RYR3: variants seen among roughly 807,000 people sequenced by gnomAD.
RYR3 encodes the protein ryanodine receptor 3.
A neutral mutation model predicts 584.3 loss-of-function variants in RYR3; 207 were observed. That is an observed-to-expected ratio of 0.35 (90% CI 0.32 to 0.40). The LOEUF (loss-of-function observed/expected upper bound fraction) is 0.40, where lower values mean the gene tolerates loss of function less well. RYR3 is among the 10% of genes least tolerant of loss of function. The pLI, the probability that RYR3 is intolerant of heterozygous loss-of-function variation, is 1.00. For synonymous variants in RYR3, 2,416 were observed against 2,248.5 expected (o/e 1.07, Z -2.11); for missense variants, 5,616 against 6,089.2 (o/e 0.92, Z 2.59).
At chr15:33,735,283 T>A (rs1178331118) in intron 48 of RYR3, among the ~76,000 whole-genome samples, 2 of 152,232 alleles carry the variant, frequency 1.3e-5, no homozygotes, top group Non-Finnish European at 2.9e-5. Context: ...CAAGGCTACT[T>A]ACTTGCTGTG....
At chr15:33,355,953 C>A (rs1405536558) in intron 1 of RYR3, among the ~76,000 whole-genome samples, 3 of 152,154 alleles carry the variant, frequency 2.0e-5, no homozygotes, top group African/African-American at 7.2e-5. Flanking sequence ...TCATATAGAA[C>A]CCTGTAGTAG....
chr15:33,471,251 A>C (rs1199362375), intron 1 of RYR3, among the ~76,000 whole-genome samples: 1 of 152,166 alleles, frequency 6.6e-6, no homozygotes, highest in Non-Finnish European at 1.5e-5. Context: ...AAAGAGTAGA[A>C]ATCGTTTGGA....
At chr15:33,560,652 A>G (rs1416714124) in intron 10 of RYR3, among the ~76,000 whole-genome samples, 1 of 152,194 alleles carries the variant, frequency 6.6e-6, no homozygotes, top group Admixed American at 6.5e-5. Context: ...ATTAGAGATG[A>G]GAATTTTCGC....
chr15:33,482,707 C>G (rs961680134), intron 2 of RYR3, among the ~76,000 whole-genome samples: 1 of 152,230 alleles, frequency 6.6e-6, no homozygotes, highest in African/African-American at 2.4e-5. Context: ...GCGTGAGTCA[C>G]TGTGCCCAGT....
At chr15:33,789,646 ATATATATATATATTTTTTTTTTTTTTT>A (rs2074994680) in intron 67 of RYR3, among the ~76,000 whole-genome samples, 2 of 23,178 alleles carry the variant, frequency 8.6e-5, no homozygotes, top group East Asian at 1.3e-3. Context: ...ATATATATAT[ATATATATATATATTTTTTTTTTTTTTT>A]TTTTTTTTTT....
chr15:33,497,883 C>T (rs149995930), intron 2 of RYR3, among the ~76,000 whole-genome samples: 156 of 152,278 alleles, frequency 1.0e-3, no homozygotes, highest in African/African-American at 3.6e-3. Context: ...CCTTCCCAGC[C>T]TCTAGTAACC....
chr15:33,576,815 G>T (rs2058323983), intron 12 of RYR3, among the ~76,000 whole-genome samples: 1 of 152,162 alleles, frequency 6.6e-6, no homozygotes, highest in Non-Finnish European at 1.5e-5. Context: ...CAGGAAGAGA[G>T]GAAGTCAAAC....
Position 33,560,890 on chromosome 15 carries a change from G to T in RYR3, c.973-1947G>T, listed in dbSNP as rs183267196. ...AAAAGAAAAATTCATACTTATCCTT[G>T]GATGTTATGTTGCTGCTTGAAAAAA... On this transcript the variant is annotated intron_variant, in intron 10 of 103. Transcript: ENST00000634891. 1.2e-3 allele frequency among the ~76,000 whole-genome samples: 184 copies of T among 151,056 alleles called. 1 individual carries two copies. The highest frequency in any genetic ancestry group is 4.1e-3 in the African/African-American group (169 of 41,134).
chr15:33,582,908 G>A (rs2058665844), intron 14 of RYR3, among the ~76,000 whole-genome samples: 1 of 152,194 alleles, frequency 6.6e-6, no homozygotes, highest in Non-Finnish European at 1.5e-5. Context: ...ATCATGTGAA[G>A]GGCAAGCTAC....
chr15:33,436,957 A>G (rs926498651), intron 1 of RYR3, among the ~76,000 whole-genome samples: 30 of 152,130 alleles, frequency 2.0e-4, no homozygotes, highest in African/African-American at 7.2e-4. Flanking sequence ...TATCTAATCC[A>G]CTGGAATTGG....
In RYR3 at chr15:33,435,713, C is replaced by T. The variant is rs1248692372; in HGVS notation, c.52-37706C>T. 3.3e-5 allele frequency among the ~76,000 whole-genome samples: 5 copies of T among 152,184 alleles called. No individual in the cohort carries two copies. In the South Asian group the frequency reaches 6.2e-4, roughly 19 times the overall value. ...CATGTCCGGAGTTGATTGTTCCTCCCGGTAGGTTCCTGGTCTCACTGACTT... is the reference window on the plus strand; with the variant it reads ...CATGTCCGGAGTTGATTGTTCCTCCTGGTAGGTTCCTGGTCTCACTGACTT... On this transcript the variant is annotated intron_variant, in intron 1 of 103. Coordinates refer to ENST00000634891, the MANE Select transcript of RYR3 (RefSeq NM_001036.6).
In RYR3 at chr15:33,854,087, T is replaced by C. The variant is rs544891829; in HGVS notation, c.13800-302T>C. Among the ~76,000 whole-genome samples the C allele has an allele frequency of 1.3e-4, 19 of 151,924 alleles. 1 individual carries two copies. The South Asian group carries it at 3.6e-3, about 28-fold the overall frequency. ...GGTGGGCACCTGTAGTCCCAGCTGC[T>C]TGGGAGGCTGAGGCAGGAGAACCGC... On this transcript the variant is annotated intron_variant, in intron 96 of 103. Coordinates refer to ENST00000634891, the MANE Select transcript of RYR3 (RefSeq NM_001036.6).
chr15:33,707,712 T>C (rs1014476547), intron 43 of RYR3, among the ~76,000 whole-genome samples: 2 of 152,216 alleles, frequency 1.3e-5, no homozygotes, highest in Non-Finnish European at 2.9e-5. Flanking sequence ...ATTATAGTTA[T>C]AGTCCCTCTC....
chr15:33,765,662 AGTCT>A (rs2072986863), intron 60 of RYR3, among the ~76,000 whole-genome samples: 1 of 149,328 alleles, frequency 6.7e-6, no homozygotes, highest in Admixed American at 6.7e-5. Context: ...AAAAGAAAAT[AGTCT>A]AAATAGTCTA....
rs550309564 is a variant in RYR3, at chr15:33,779,371, C to G, written c.9138-840C>G. Among the ~76,000 whole-genome samples, 11 of 152,176 alleles carry G rather than the reference C, an allele frequency of 7.2e-5. No individual in the cohort carries two copies. The South Asian group carries it at 2.3e-3, about 32-fold the overall frequency. Reference sequence around the variant, plus strand: ...CAGACCTTAAGATATGGTGGACAGTCAACTATTTGTACAAAAGAGGGAAAG... The same window carrying G: ...CAGACCTTAAGATATGGTGGACAGTGAACTATTTGTACAAAAGAGGGAAAG... On this transcript the variant is annotated intron_variant, in intron 64 of 103. Transcript: ENST00000634891.
intron 1 of RYR3, among the ~76,000 whole-genome samples, chr15:33,352,400 G>A (rs372023993): frequency 8.0e-4 from 121 of 152,138 alleles, no homozygotes; most frequent in Middle Eastern, 3.4e-3. Flanking sequence ...TGCTAGGTGA[G>A]ATCAATTATT....
chr15:33,575,299 C>T (rs1387826667), intron 12 of RYR3, among the ~76,000 whole-genome samples: 1 of 152,182 alleles, frequency 6.6e-6, no homozygotes, highest in African/African-American at 2.4e-5. Flanking sequence ...ACATAACTCT[C>T]CACGCAAAAA....
chr15:33,549,739 C>T (rs555480172), intron 9 of RYR3, among the ~76,000 whole-genome samples: 7 of 152,286 alleles, frequency 4.6e-5, no homozygotes, highest in Non-Finnish European at 8.8e-5. Flanking sequence ...TTTACTATTT[C>T]CCTTGAAGAT....
At chr15:33,543,579 T>TG in intron 7 of RYR3, 43 bp from the exon 8 acceptor site, 4 of 1,277,238 alleles carry the variant, frequency 3.1e-6, no homozygotes, top group Non-Finnish European at 4.6e-6. Flanking sequence ...ATTCTCTTCA[T>TG]TAAACTTCCC....
Sources: allele counts gnomAD v4.1 joint callset (sites outside exome capture counted in the v4.1 genomes callset), GRCh38; gene constraint gnomAD v4.1.1; transcripts MANE v1.5; gene names NCBI Gene and HGNC (gene_info 2026-07-23, HGNC 2026-07-21).